Variants in TBCD observed in about 807,000 individuals in gnomAD.
TBCD encodes the protein tubulin-specific chaperone D.
TBCD carries 105 observed loss-of-function variants against 169.3 expected under a neutral mutation model. That is an observed-to-expected ratio of 0.62 (90% CI 0.53 to 0.73). TBCD has a LOEUF of 0.73. Ranked by LOEUF, TBCD falls within the 30% of genes least tolerant of loss-of-function variation. The pLI is 0.00. For missense variants in TBCD, 1,444 were observed against 1,600.1 expected, an observed-to-expected ratio of 0.90 and a Z score of 1.66; for synonymous variants, 700 against 643.9, an observed-to-expected ratio of 1.09 and a Z score of -1.32.
At chr17:82,917,981 A>G (rs1172701567) in intron 23 of TBCD, among the ~76,000 whole-genome samples, 1 of 152,102 alleles carries the variant, frequency 6.6e-6, no homozygotes, top group Non-Finnish European at 1.5e-5. Flanking sequence ...AAAATGTCTT[A>G]GTGGAGGGTT....
At chr17:82,925,970 A>ATGGCCGT (rs2061718298) in intron 27 of TBCD, among the ~76,000 whole-genome samples, 3 of 112,748 alleles carry the variant, frequency 2.7e-5, no homozygotes, top group Non-Finnish European at 3.8e-5. Context: ...GGGGCCGTGG[A>ATGGCCGT]GAGGCTGGAG....
chr17:82,804,510 C>T (rs2050809433), intron 9 of TBCD, among the ~76,000 whole-genome samples: 3 of 152,238 alleles, frequency 2.0e-5, no homozygotes, highest in Admixed American at 6.5e-5. Flanking sequence ...AGGCGCCGGC[C>T]TGGCCACTGC....
At chr17:82,753,603 C>T (rs1598357283) in intron 1 of TBCD, among the ~76,000 whole-genome samples, 1 of 151,508 alleles carries the variant, frequency 6.6e-6, no homozygotes, top group South Asian at 2.1e-4. Context: ...GCTACAGGCG[C>T]GCGCCACCAC....
intron 22 of TBCD, among the ~76,000 whole-genome samples, chr17:82,909,718 T>C (rs2060494317): frequency 6.6e-6 from 1 of 152,174 alleles, no homozygotes; most frequent in African/African-American, 2.4e-5. Context: ...CGGCCCGCTG[T>C]GGGAGGCGCG....
rs2058314456 is a variant in TBCD, at chr17:82,880,973, G to C, written c.1476-3172G>C. 1.3e-5 allele frequency among the ~76,000 whole-genome samples: 2 copies of C among 152,058 alleles called. No individual in the cohort carries two copies. The highest frequency in any genetic ancestry group is 2.9e-5 in the Non-Finnish European group (2 of 67,992). On this transcript the variant is annotated intron_variant, in intron 14 of 38. Transcript: ENST00000355528. This position sits in a 1 kb window ranked among gnomAD's most constrained non-coding sequence, Gnocchi z 5.0. ...CCCATAGCTCTGGGCTCTGTTTGTG[G>C]CTGTGGCCACACAGGGCAGGGCCTC...
At chr17:82,856,853 C>T (rs1312831395) in intron 13 of TBCD, among the ~76,000 whole-genome samples, 1 of 140,002 alleles carries the variant, frequency 7.1e-6, no homozygotes, top group Non-Finnish European at 1.5e-5. Context: ...GCATCCAGGG[C>T]GGGATCGCTG....
chr17:82,828,022 C>T (rs75044636), intron 13 of TBCD, among the ~76,000 whole-genome samples: 16,286 of 150,924 alleles, frequency 0.11, 1,168 homozygotes, highest in South Asian at 0.29. Flanking sequence ...GATATGTACA[C>T]GTGGACACGC....
In TBCD at chr17:82,800,849, A is replaced by C. The variant is rs1479455373; in HGVS notation, c.818-15A>C. 4 of 1,610,496 alleles carry C rather than the reference A, an allele frequency of 2.5e-6. No homozygotes were observed. The East Asian group carries it at 9.0e-5, about 36-fold the overall frequency. On this transcript the variant is annotated splice_polypyrimidine_tract_variant and intron_variant, in intron 8 of 38. Transcript: ENST00000355528. ...CTGCAGCCCTTCCTGCGCTGAGTCC[A>C]GTTCTTGTTTGCAGCTGCCACTGTC...
intron 13 of TBCD, among the ~76,000 whole-genome samples, chr17:82,841,228 C>A (rs2054498824): frequency 1.3e-5 from 2 of 151,952 alleles, no homozygotes; most frequent in South Asian, 4.1e-4. Context: ...AGGTGTGAGC[C>A]ACTGCACCCG....
chr17:82,862,913 G>C (rs188346546), intron 13 of TBCD, among the ~76,000 whole-genome samples: 1 of 152,346 alleles, frequency 6.6e-6, no homozygotes, highest in Non-Finnish European at 1.5e-5. Flanking sequence ...GTGCGGGTGT[G>C]ACTGTCGATG....
Position 82,759,612 on chromosome 17 carries a change from T to C in TBCD, c.235+3397T>C, listed in dbSNP as rs183833563. 1.9e-3 allele frequency among the ~76,000 whole-genome samples: 296 copies of C among 152,056 alleles called. 2 individuals carry two copies. Among genetic ancestry groups the C allele is most frequent in the African/African-American group, 6.4e-3 (265 of 41,486 alleles). On this transcript the variant is annotated intron_variant, in intron 2 of 38. Coordinates refer to ENST00000355528, the MANE Select transcript of TBCD (RefSeq NM_005993.5). The stretch of plus-strand genomic sequence containing the variant: ...TGCTGGGATGACAGGTGTGAGCCAC[T>C]GCACCCAGTCTCTACTGAAGTTTTA...
At chr17:82,897,235 T>C (rs2059551040) in intron 17 of TBCD, among the ~76,000 whole-genome samples, 1 of 151,982 alleles carries the variant, frequency 6.6e-6, no homozygotes, top group Admixed American at 6.6e-5. Flanking sequence ...AAAATCAGCT[T>C]TGGGCCGGGT....
chr17:82,877,786 C>T (rs2058073256), intron 14 of TBCD, among the ~76,000 whole-genome samples: 1 of 152,100 alleles, frequency 6.6e-6, no homozygotes, highest in Non-Finnish European at 1.5e-5. Context: ...AACGTGAGTT[C>T]CCTTTAATTT....
At chr17:82,819,459 A>G (rs2052220217) in intron 13 of TBCD, among the ~76,000 whole-genome samples, 2 of 152,210 alleles carry the variant, frequency 1.3e-5, no homozygotes, top group Admixed American at 6.5e-5. Flanking sequence ...CTCTGTGCAC[A>G]CCACCACGCC....
intron 22 of TBCD, among the ~76,000 whole-genome samples, chr17:82,909,981 C>T (rs531333062): frequency 3.3e-5 from 5 of 152,240 alleles, no homozygotes; most frequent in Non-Finnish European, 5.9e-5. Flanking sequence ...GTTTCTTCCC[C>T]GACGTGTCTT....
intron 26 of TBCD, among the ~76,000 whole-genome samples, chr17:82,924,461 G>T (rs1377519853): frequency 6.6e-6 from 1 of 152,210 alleles, no homozygotes; most frequent in Non-Finnish European, 1.5e-5. Context: ...TCATGTTCGA[G>T]GGATCTGCTT....
At chr17:82,887,150 TGTGTGTGTGTGTGTGTGTGC>T (rs2146310041) in intron 15 of TBCD, among the ~76,000 whole-genome samples, 1 of 107,834 alleles carries the variant, frequency 9.3e-6, no homozygotes, top group African/African-American at 4.5e-5. Flanking sequence ...TGTGTGTGTG[TGTGTGTGTGTGTGTGTGTGC>T]GCGCGCGCGC....
chr17:82,929,661 C>T (rs1251976050), intron 32 of TBCD, 161 bp downstream of exon 32: 2 of 1,004,444 alleles, frequency 2.0e-6, no homozygotes, highest in Non-Finnish European at 3.0e-6. Flanking sequence ...GTGTCTTCCT[C>T]ATGACCCAGG....
Position 82,920,412 on chromosome 17 carries a change from T to G in TBCD, c.2039-144T>G. On this transcript the variant is annotated intron_variant, in intron 23 of 38. Coordinates refer to ENST00000355528, the MANE Select transcript of TBCD (RefSeq NM_005993.5). This position sits in a 1 kb window ranked among gnomAD's most constrained non-coding sequence, Gnocchi z 4.1. Reference sequence around the variant, plus strand: ...GGTTCTGAAATGGTTCTGGGATGTTTCCAGCCCTGGCAGCAGGGTAGGTTG... The same window carrying G: ...GGTTCTGAAATGGTTCTGGGATGTTGCCAGCCCTGGCAGCAGGGTAGGTTG... 1 of 700,066 alleles carries G rather than the reference T, an allele frequency of 1.4e-6. No homozygotes were observed. The highest frequency in any genetic ancestry group is 2.4e-6 in the Non-Finnish European group (1 of 410,358). 43.4% of individuals were successfully genotyped at this position (700,066 alleles called of 1,614,324 possible).
Sources: allele counts gnomAD v4.1 joint callset (sites outside exome capture counted in the v4.1 genomes callset), GRCh38; gene constraint gnomAD v4.1.1; non-coding constraint Gnocchi (gnomAD v3.1); transcripts MANE v1.5; gene names NCBI Gene and HGNC (gene_info 2026-07-23, HGNC 2026-07-21).